ATXN8OS: variants seen among roughly 807,000 people sequenced by gnomAD.
ATXN8OS encodes the protein ATXN8 opposite strand (non-protein coding).
intron 2 of ATXN8OS, among the ~76,000 whole-genome samples, chr13:70,118,972 C>T (rs910227761): frequency 1.3e-5 from 2 of 151,882 alleles, no homozygotes; most frequent in African/African-American, 4.8e-5. Context: ...AAAAATATGT[C>T]AAGCCATGGA....
At chr13:70,108,242 C>T in intron 1 of ATXN8OS, 15 of 388,950 alleles carry the variant, frequency 3.9e-5, no homozygotes, top group Non-Finnish European at 4.5e-5. Flanking sequence ...CTCGCCAGAT[C>T]TCTTGGTGCA....
At chr13:70,158,680 GC>G (rs1888965525) in intron 4 of ATXN8OS, among the ~76,000 whole-genome samples, 1 of 152,156 alleles carries the variant, frequency 6.6e-6, no homozygotes, top group South Asian at 2.1e-4. Context: ...CATGAAAGAA[GC>G]CATAGACAGT....
intron 4 of ATXN8OS, among the ~76,000 whole-genome samples, chr13:70,147,913 A>G (rs965722433): frequency 6.6e-5 from 10 of 152,204 alleles, no homozygotes; most frequent in South Asian, 4.1e-4. Context: ...CATGTAAAGC[A>G]TATATTCATT....
rs4053603 is a variant in ATXN8OS, at chr13:70,167,723, C to CTTTTTTTTTTTTT, written n.574-2016_574-2004dup. 1.9e-4 allele frequency among the ~76,000 whole-genome samples: 12 copies of CTTTTTTTTTTTTT among 61,896 alleles called. 2 individuals carry two copies. The highest frequency in any genetic ancestry group is 5.6e-4 in the African/African-American group (10 of 17,844). The allele number at this position is 61,896 out of a possible 152,430, so 40.6% of individuals were successfully genotyped here. On this transcript the variant is annotated intron_variant and non_coding_transcript_variant, in intron 4 of 4. Transcript: ENST00000678624. Reference sequence around the variant, plus strand: ...AATACTATCACAACATATGTAACTTCTTTTTTTTTTTTTTTTTTTTTTTTT... The same window carrying CTTTTTTTTTTTTT: ...AATACTATCACAACATATGTAACTTCTTTTTTTTTTTTTTTTTTTTTTTTTTTTTTTTTTTTTT...
chr13:70,147,374 G>A (rs557708859), exon 4 of ATXN8OS, among the ~76,000 whole-genome samples: 1 of 152,050 alleles, frequency 6.6e-6, no homozygotes, highest in Admixed American at 6.6e-5. Flanking sequence ...TGGATAAAGT[G>A]CGAAGGAGCT....
chr13:70,157,845 G>C lies in ATXN8OS; in HGVS notation n.573+10417G>C, dbSNP rs559255623. Among the ~76,000 whole-genome samples, 11 of 152,134 alleles carry C rather than the reference G, an allele frequency of 7.2e-5. 1 individual carries two copies. In the South Asian group the frequency reaches 2.3e-3, roughly 32 times the overall value. On this transcript the variant is annotated intron_variant and non_coding_transcript_variant, in intron 4 of 4. Coordinates refer to ENST00000678624, the Ensembl canonical transcript of ATXN8OS. ...ATGGATCCTGAAAGAAAGCCTACAGGAAAGACAAAAAATACATATTTTCAC... is the reference window on the plus strand; with the variant it reads ...ATGGATCCTGAAAGAAAGCCTACAGCAAAGACAAAAAATACATATTTTCAC...
intron 4 of ATXN8OS, among the ~76,000 whole-genome samples, chr13:70,162,983 T>C (rs1023460406): frequency 1.3e-5 from 2 of 152,090 alleles, no homozygotes; most frequent in Non-Finnish European, 2.9e-5. Flanking sequence ...GCCACAGGCC[T>C]TCAAGACTCA....
intron 4 of ATXN8OS, among the ~76,000 whole-genome samples, chr13:70,167,694 C>T (rs1021080957): frequency 2.8e-5 from 4 of 141,672 alleles, no homozygotes; most frequent in Admixed American, 7.2e-5. Flanking sequence ...TCAGAAAGAG[C>T]GAAAATACTA....
intron 4 of ATXN8OS, among the ~76,000 whole-genome samples, chr13:70,163,556 T>C (rs1044841838): frequency 6.6e-6 from 1 of 152,028 alleles, no homozygotes; most frequent in Non-Finnish European, 1.5e-5. Flanking sequence ...AATTATTTGA[T>C]AGTAATTTCA....
chr13:70,152,492 T>G (rs1319968523), intron 4 of ATXN8OS, among the ~76,000 whole-genome samples: 1 of 151,734 alleles, frequency 6.6e-6, no homozygotes, highest in Non-Finnish European at 1.5e-5. Flanking sequence ...TACACACACG[T>G]GTATATGTGT....
intron 3 of ATXN8OS, among the ~76,000 whole-genome samples, chr13:70,134,012 T>C (rs935613390): frequency 2.6e-5 from 4 of 152,234 alleles, no homozygotes; most frequent in South Asian, 4.1e-4. Context: ...TCAGTATTTC[T>C]AGAAAAATAT....
At chr13:70,158,354 C>A (rs532028287) in intron 4 of ATXN8OS, among the ~76,000 whole-genome samples, 45 of 152,148 alleles carry the variant, frequency 3.0e-4, no homozygotes, top group Middle Eastern at 3.4e-3. Context: ...GGAGGCGGAG[C>A]TTGCAATGAG....
chr13:70,125,451 A>G (rs2137478671), intron 2 of ATXN8OS, among the ~76,000 whole-genome samples: 1 of 152,264 alleles, frequency 6.6e-6, no homozygotes, highest in South Asian at 2.1e-4. Flanking sequence ...AAAAATTACA[A>G]TAATTTCATA....
chr13:70,108,717 A>G (rs1381861279), intron 1 of ATXN8OS, among the ~76,000 whole-genome samples: 2 of 152,238 alleles, frequency 1.3e-5, no homozygotes, highest in African/African-American at 4.8e-5. Context: ...CACATGAATC[A>G]TGGCAGTGTA....
At chr13:70,129,375 C>CTG (rs34731574) in intron 2 of ATXN8OS, among the ~76,000 whole-genome samples, 4,215 of 149,058 alleles carry the variant, frequency 0.028, 114 homozygotes, top group African/African-American at 0.07. Flanking sequence ...TTGTATTTTT[C>CTG]TGTGTGTGTG....
chr13:70,129,833 T>C (rs1022238978), exon 3 of ATXN8OS: 32 of 398,288 alleles, frequency 8.0e-5, no homozygotes, highest in African/African-American at 6.4e-4. Context: ...GATGTATGTA[T>C]AGGAAGTTGA....
At chr13:70,161,656 T>G (rs1889009933) in intron 4 of ATXN8OS, among the ~76,000 whole-genome samples, 1 of 150,844 alleles carries the variant, frequency 6.6e-6, no homozygotes, top group Non-Finnish European at 1.5e-5. Flanking sequence ...TTTTCTGTAT[T>G]CTTGCATGAG....
intron 2 of ATXN8OS, among the ~76,000 whole-genome samples, chr13:70,116,310 G>C (rs1888277572): frequency 6.6e-6 from 1 of 152,094 alleles, no homozygotes; most frequent in Non-Finnish European, 1.5e-5. Flanking sequence ...GAAATACAGA[G>C]AGTTTTGAAG....
chr13:70,131,270 C>T (rs1326478389), intron 3 of ATXN8OS: 6 of 398,422 alleles, frequency 1.5e-5, no homozygotes, highest in East Asian at 1.4e-4. Context: ...TCCAACACTC[C>T]TAGTCTATGC....
Sources: gnomAD v4.1 joint callset for allele counts (sites outside exome capture counted in the v4.1 genomes callset) on GRCh38, gnomAD v4.1.1 for gene constraint, MANE v1.5 for transcripts, NCBI Gene and HGNC (gene_info 2026-07-23, HGNC 2026-07-21) for gene names.